The following PTPRN2 variants were observed in gnomAD, a reference collection of about 807,000 sequenced individuals.
PTPRN2 encodes protein tyrosine phosphatase receptor type N2, also known as receptor-type tyrosine-protein phosphatase N2.
A neutral mutation model predicts 118.8 loss-of-function variants in PTPRN2; 74 were observed. The ratio of observed to expected loss-of-function variants is 0.62; its 90% CI spans 0.52 to 0.76. PTPRN2 has a LOEUF of 0.76. Among genes scored for constraint, PTPRN2 ranks in the 30% least tolerant of loss-of-function variants. PTPRN2 has a pLI of 0.00. For missense variants in PTPRN2, 1,481 were observed against 1,394.4 expected, an observed-to-expected ratio of 1.06 and a Z score of -0.99; for synonymous variants, 641 against 608.0, an observed-to-expected ratio of 1.05 and a Z score of -0.80.
intron 2 of PTPRN2, among the ~76,000 whole-genome samples, chr7:158,378,194 C>T (rs1810697706): frequency 6.6e-6 from 1 of 152,200 alleles, no homozygotes; most frequent in Non-Finnish European, 1.5e-5. Context: ...CAAATAAAAG[C>T]TATTGGCCTC....
At chr7:157,546,067 C>T (rs750170813) in intron 22 of PTPRN2, among the ~76,000 whole-genome samples, 26 of 152,148 alleles carry the variant, frequency 1.7e-4, no homozygotes, top group Non-Finnish European at 3.5e-4. Flanking sequence ...CTTGAAGTTC[C>T]AGGAGCTGAA....
intron 6 of PTPRN2, among the ~76,000 whole-genome samples, chr7:158,146,082 C>G (rs1319437062): frequency 1.3e-5 from 2 of 152,038 alleles, no homozygotes; most frequent in Non-Finnish European, 2.9e-5. Flanking sequence ...CCCATCCATT[C>G]TGAAAACAAA....
intron 14 of PTPRN2, among the ~76,000 whole-genome samples, chr7:157,633,978 A>G (rs1277069783): frequency 1.3e-5 from 2 of 152,174 alleles, no homozygotes; most frequent in Non-Finnish European, 2.9e-5. Context: ...GCTGCAGCCC[A>G]CCATGGAAGA....
chr7:158,279,713 T>A (rs1210807020), intron 3 of PTPRN2, among the ~76,000 whole-genome samples: 1 of 151,704 alleles, frequency 6.6e-6, no homozygotes, highest in Non-Finnish European at 1.5e-5. Context: ...TCCGCGCTTC[T>A]CCCTCCACAC....
chr7:158,311,274 G>T (rs1801706152), intron 3 of PTPRN2, among the ~76,000 whole-genome samples: 2 of 152,184 alleles, frequency 1.3e-5, no homozygotes, highest in Non-Finnish European at 2.9e-5. Flanking sequence ...CTCTTTTAAG[G>T]AATGATAACA....
At chr7:158,405,574 C>T (rs1813342310) in intron 2 of PTPRN2, among the ~76,000 whole-genome samples, 1 of 152,238 alleles carries the variant, frequency 6.6e-6, no homozygotes, top group Non-Finnish European at 1.5e-5. Context: ...GGGGCATGCA[C>T]AACACTTTAC....
chr7:157,968,166 T>C (rs763459439), intron 11 of PTPRN2, among the ~76,000 whole-genome samples: 2 of 152,090 alleles, frequency 1.3e-5, no homozygotes, highest in Non-Finnish European at 2.9e-5. Flanking sequence ...AAAATTCACA[T>C]GGTGTTTTAT....
At chr7:158,005,364 G>A (rs1464230871) in intron 11 of PTPRN2, among the ~76,000 whole-genome samples, 4 of 152,104 alleles carry the variant, frequency 2.6e-5, no homozygotes, top group East Asian at 1.9e-4. Flanking sequence ...GTGAGCCACC[G>A]CACCCAGTCG....
intron 2 of PTPRN2, among the ~76,000 whole-genome samples, chr7:158,424,794 A>G (rs1245421219): frequency 6.6e-6 from 1 of 152,022 alleles, no homozygotes; most frequent in Non-Finnish European, 1.5e-5. Flanking sequence ...CTCCCACGCC[A>G]GGTGTGCTCA....
chr7:158,031,755 G>T, intron 11 of PTPRN2, among the ~76,000 whole-genome samples: 1 of 152,164 alleles, frequency 6.6e-6, no homozygotes, highest in Non-Finnish European at 1.5e-5. Flanking sequence ...GTTAAGAGCT[G>T]GTAAATAAAG....
intron 12 of PTPRN2, among the ~76,000 whole-genome samples, chr7:157,855,283 G>A (rs117867633): frequency 0.019 from 2,865 of 152,220 alleles, 44 homozygotes; most frequent in South Asian, 0.068. Flanking sequence ...CCCAGGGAGC[G>A]GCCCCAACCC....
At chr7:158,286,713 G>A (rs986679699) in intron 3 of PTPRN2, among the ~76,000 whole-genome samples, 3 of 152,130 alleles carry the variant, frequency 2.0e-5, no homozygotes, top group African/African-American at 7.2e-5. Flanking sequence ...AGTTGATCGT[G>A]GTGAATGATC....
At chr7:158,467,695 G>C (rs1327856492) in intron 2 of PTPRN2, among the ~76,000 whole-genome samples, 2 of 152,192 alleles carry the variant, frequency 1.3e-5, no homozygotes, top group Non-Finnish European at 2.9e-5. Context: ...CATTTAAAGA[G>C]ACGGCTCTTA....
chr7:158,431,782 G>C (rs1285687452), intron 2 of PTPRN2, among the ~76,000 whole-genome samples: 1 of 145,706 alleles, frequency 6.9e-6, no homozygotes, highest in South Asian at 2.2e-4. Flanking sequence ...CACACACCAG[G>C]ACACACTGGC....
intron 3 of PTPRN2, among the ~76,000 whole-genome samples, chr7:158,222,527 TAC>T (rs1336266947): frequency 6.6e-6 from 1 of 151,710 alleles, no homozygotes; most frequent in Non-Finnish European, 1.5e-5. Flanking sequence ...AAACACGGAG[TAC>T]ACACAGACAC....
intron 12 of PTPRN2, among the ~76,000 whole-genome samples, chr7:157,698,942 C>G (rs1377825571): frequency 2.0e-5 from 3 of 152,116 alleles, no homozygotes; most frequent in Admixed American, 6.5e-5. Flanking sequence ...AAGAATCTAA[C>G]TTTTTTGAAA....
chr7:157,777,734 G>A (rs936167950), intron 12 of PTPRN2, among the ~76,000 whole-genome samples: 2 of 152,196 alleles, frequency 1.3e-5, no homozygotes, highest in Non-Finnish European at 2.9e-5. Flanking sequence ...CAGTGGGAAG[G>A]GCAGGCTCGC....
Position 157,881,671 on chromosome 7 carries a change from C to T in PTPRN2, c.1788+17002G>A, listed in dbSNP as rs914805427. ...GAGAGGATTTCCTGTTTTCGTGGAA[C>T]GTTAAGTCCAAGTGCTTGTCAACAG... is the stretch of plus-strand genomic sequence containing the variant. On this transcript the variant is annotated intron_variant, in intron 12 of 22. Transcript: ENST00000389418. This position sits in a 1 kb window ranked among gnomAD's most constrained non-coding sequence, Gnocchi z 4.7. Among the ~76,000 whole-genome samples, 9 of 151,768 alleles carry T rather than the reference C, an allele frequency of 5.9e-5. No individual in the cohort carries two copies. Among genetic ancestry groups the T allele is most frequent in the African/African-American group, 1.5e-4 (6 of 41,334 alleles).
intron 12 of PTPRN2, among the ~76,000 whole-genome samples, chr7:157,738,792 T>C (rs1415824734): frequency 1.3e-5 from 2 of 152,048 alleles, no homozygotes; most frequent in Non-Finnish European, 2.9e-5. Flanking sequence ...TATGTATTAT[T>C]TCTAGTTCCA....
Sources: allele counts gnomAD v4.1 joint callset (sites outside exome capture counted in the v4.1 genomes callset), GRCh38; gene constraint gnomAD v4.1.1; non-coding constraint Gnocchi (gnomAD v3.1); transcripts MANE v1.5; gene names NCBI Gene and HGNC (gene_info 2026-07-23, HGNC 2026-07-21).